The following MINAR1 variants were observed in gnomAD, a reference collection of about 807,000 sequenced individuals.
The protein encoded by MINAR1 is major intrinsically disordered Notch2-binding receptor 1.
Under a neutral mutation model 65.1 loss-of-function variants are expected in MINAR1, and 40 were observed. The ratio of observed to expected loss-of-function variants is 0.61; its 90% CI spans 0.48 to 0.80. The LOEUF (loss-of-function observed/expected upper bound fraction) is 0.80, where lower values mean the gene tolerates loss of function less well. Among genes scored for constraint, MINAR1 ranks in the 30% least tolerant of loss-of-function variants. The pLI, the probability that MINAR1 is intolerant of heterozygous loss-of-function variation, is 0.00. For synonymous variants in MINAR1, 482 were observed against 449.1 expected, an observed-to-expected ratio of 1.07 and a Z score of -0.93; for missense variants, 1,128 against 1,148.0, an observed-to-expected ratio of 0.98 and a Z score of 0.25.
intron 1 of MINAR1, among the ~76,000 whole-genome samples, chr15:79,455,082 A>G (rs1181021451): frequency 6.6e-6 from 1 of 152,218 alleles, no homozygotes; most frequent in African/African-American, 2.4e-5. Flanking sequence ...AAATAAAGTA[A>G]AATATTAATG....
At position 79,461,624 on chromosome 15, in the gene MINAR1, C is replaced by G. The variant is rs117507990; in HGVS notation, c.2299-1443C>G. Among the ~76,000 whole-genome samples the G allele has an allele frequency of 4.5e-4, 69 of 152,276 alleles. 1 individual carries two copies. The East Asian group carries it at 0.012, about 26-fold the overall frequency. On this transcript the variant is annotated intron_variant, in intron 2 of 3. Transcript: ENST00000305428. The stretch of plus-strand genomic sequence containing the variant: ...CTTGTGTGGGTTTATCCTGTGTTCT[C>G]TGTGTCAGTGTCAGCAGTCTTGATG...
Position 79,468,732 on chromosome 15 carries a change from T to C in MINAR1, c.*348T>C, listed in dbSNP as rs149883972. 24 of 291,024 alleles carry C rather than the reference T, an allele frequency of 8.2e-5. No homozygotes were observed. The highest frequency in any genetic ancestry group is 1.2e-3 in the Middle Eastern group (1 of 852). The allele number at this position is 291,024 out of a possible 1,614,324, so 18.0% of individuals were successfully genotyped here. A position where few individuals can be genotyped will look rare whatever the true frequency, so the allele number is the denominator to read the frequency against. On this transcript the variant is annotated 3_prime_UTR_variant, in exon 4 of 4. Coordinates refer to ENST00000305428, the MANE Select transcript of MINAR1 (RefSeq NM_015206.3). ...TTTGATGATGTTTCATGGTGGGGAA[T>C]AAGTTATACAGAAGATATTTAATAC...
chr15:79,449,952 C>A (rs1895137307), intron 1 of MINAR1, among the ~76,000 whole-genome samples: 1 of 152,208 alleles, frequency 6.6e-6, no homozygotes. Flanking sequence ...GCGGCCACTG[C>A]AGATGGCACC....
the MINAR1 span, chr15:79,420,140 G>C: frequency 1.3e-5 from 2 of 152,138 alleles, no homozygotes; most frequent in African/African-American, 4.8e-5. Flanking sequence ...AGTAACACTA[G>C]GTGGAAGAAG....
intron 3 of MINAR1, among the ~76,000 whole-genome samples, chr15:79,464,316 T>G (rs1895761050): frequency 6.6e-6 from 1 of 152,364 alleles, no homozygotes; most frequent in Non-Finnish European, 1.5e-5. Flanking sequence ...TGGCATCAAG[T>G]AGGCACTGAA....
upstream of MINAR1, among the ~76,000 whole-genome samples, chr15:79,430,821 CCT>C (rs765580361): frequency 1.2e-4 from 18 of 152,268 alleles, no homozygotes; most frequent in South Asian, 8.3e-4. Flanking sequence ...CACGTATCAC[CCT>C]GATAGGGCGT....
At position 79,469,926 on chromosome 15, in the gene MINAR1, T is replaced by G. The variant is rs913282153; in HGVS notation, c.*1542T>G. On this transcript the variant is annotated 3_prime_UTR_variant, in exon 4 of 4. Transcript: ENST00000305428. The stretch of plus-strand genomic sequence containing the variant: ...TTTTTAAAGCAATAGGAGTCTAGCA[T>G]CCATTCTGAAAAATCGCAAATAATG... The G allele has an allele frequency of 6.6e-6, 1 of 152,652 alleles. No individual in the cohort carries two copies. Among genetic ancestry groups the G allele is most frequent in the East Asian group, 1.9e-4 (1 of 5,206 alleles). The allele number at this position is 152,652 out of a possible 1,614,324, so 9.5% of individuals were successfully genotyped here. A position where few individuals can be genotyped will look rare whatever the true frequency, so the allele number is the denominator to read the frequency against.
At chr15:79,446,627 ATTC>A (rs1422038259) in intron 1 of MINAR1, among the ~76,000 whole-genome samples, 1 of 151,802 alleles carries the variant, frequency 6.6e-6, no homozygotes, top group African/African-American at 2.4e-5. Flanking sequence ...CATTTCTGGT[ATTC>A]TTTAGTTTCA....
At position 79,456,063 on chromosome 15, in the gene MINAR1, T is replaced by C. The variant is rs1895399829; in HGVS notation, c.-50-35T>C. 1.5e-5 allele frequency: 21 copies of C among 1,388,262 alleles called. 1 individual carries two copies. The South Asian group carries it at 2.9e-4, about 19-fold the overall frequency. The allele number at this position is 1,388,262 out of a possible 1,614,324, so 86.0% of individuals were successfully genotyped here. On this transcript the variant is annotated intron_variant, in intron 1 of 3. Coordinates refer to ENST00000305428, the MANE Select transcript of MINAR1 (RefSeq NM_015206.3). ...AACTCCACTGGTGTTTATAATCCTC[T>C]TTTCCTCCTCTCTTTCTCAATATTG...
intron 1 of MINAR1, among the ~76,000 whole-genome samples, chr15:79,451,939 GACAGAGCTAAGAGACACTTAGGAGAGA>G (rs1204488727): frequency 2.6e-5 from 4 of 152,188 alleles, no homozygotes; most frequent in African/African-American, 7.2e-5. Context: ...AAACCCTGAG[GACAGAGCTAAGAGACACTTAGGAGAGA>G]ACAGAGCTAA....
intron 2 of MINAR1, among the ~76,000 whole-genome samples, 159 bp downstream of exon 2, chr15:79,458,604 G>A (rs1193668823): frequency 6.6e-6 from 1 of 152,212 alleles, no homozygotes. Context: ...GAATAGAGAG[G>A]ACAACATAGG....
intron 1 of MINAR1, among the ~76,000 whole-genome samples, chr15:79,444,209 G>A (rs1894947104): frequency 1.3e-5 from 2 of 152,148 alleles, no homozygotes; most frequent in South Asian, 4.1e-4. Flanking sequence ...TTTGTAAGGT[G>A]ATTTTGAGGA....
chr15:79,468,727 G>A lies in MINAR1; in HGVS notation c.*343G>A. 3.4e-6 allele frequency: 1 copy of A among 294,622 alleles called. No individual in the cohort carries two copies. Among genetic ancestry groups the A allele is most frequent in the Non-Finnish European group, 6.4e-6 (1 of 155,722 alleles). 18.3% of individuals were successfully genotyped at this position (294,622 alleles called of 1,614,324 possible). A position where few individuals can be genotyped will look rare whatever the true frequency, so the allele number is the denominator to read the frequency against. On this transcript the variant is annotated 3_prime_UTR_variant, in exon 4 of 4. Transcript: ENST00000305428. ...TCCATTTTGATGATGTTTCATGGTG[G>A]GGAATAAGTTATACAGAAGATATTT... is the stretch of plus-strand genomic sequence containing the variant.
At chr15:79,436,438 C>T (rs74571220) in intron 1 of MINAR1, among the ~76,000 whole-genome samples, 185 of 152,228 alleles carry the variant, frequency 1.2e-3, no homozygotes, top group African/African-American at 4.2e-3. Flanking sequence ...ACATGAAAAC[C>T]GAAAGTCTGA....
chr15:79,455,669 G>C (rs976571202), intron 1 of MINAR1, among the ~76,000 whole-genome samples: 1 of 152,222 alleles, frequency 6.6e-6, no homozygotes, highest in East Asian at 1.9e-4. Context: ...ACCCACACAC[G>C]ATACATTCGA....
At chr15:79,440,506 G>T (rs1894840826) in intron 1 of MINAR1, among the ~76,000 whole-genome samples, 1 of 152,220 alleles carries the variant, frequency 6.6e-6, no homozygotes, top group African/African-American at 2.4e-5. Context: ...TTGGGAAATT[G>T]TGAGTGTTCC....
chr15:79,442,974 G>C (rs1894914204), intron 1 of MINAR1, among the ~76,000 whole-genome samples: 1 of 152,086 alleles, frequency 6.6e-6, no homozygotes, highest in South Asian at 2.1e-4. Context: ...TTAATCACCT[G>C]CTACTCCCTG....
intron 1 of MINAR1, among the ~76,000 whole-genome samples, chr15:79,432,753 G>A (rs1894484347): frequency 6.6e-6 from 1 of 152,228 alleles, no homozygotes; most frequent in African/African-American, 2.4e-5. Flanking sequence ...GGGCAGCGGC[G>A]GAAAAGGTGT....
At chr15:79,416,961 C>T in the MINAR1 span, 4 of 152,288 alleles carry the variant, frequency 2.6e-5, no homozygotes, top group African/African-American at 9.6e-5. Context: ...GCCCTTTCCT[C>T]AGGGCTCTGG....
Sources: allele counts gnomAD v4.1 joint callset (sites outside exome capture counted in the v4.1 genomes callset), GRCh38; gene constraint gnomAD v4.1.1; transcripts MANE v1.5; gene names NCBI Gene and HGNC (gene_info 2026-07-23, HGNC 2026-07-21).